The following SNRNP27 variants were observed in gnomAD, a reference collection of about 807,000 sequenced individuals.
SNRNP27 encodes the protein U4/U6.U5 small nuclear ribonucleoprotein 27 kDa protein.
A neutral mutation model predicts 25.1 loss-of-function variants in SNRNP27; 22 were observed. The ratio of observed to expected loss-of-function variants is 0.88; its 90% confidence interval spans 0.63 to 1.25. The LOEUF is 1.25. Among genes scored for constraint, SNRNP27 ranks in the 50% most tolerant of loss-of-function variants. The pLI, the probability that SNRNP27 is intolerant of heterozygous loss-of-function variation, is 0.00. For synonymous variants in SNRNP27, 66 were observed against 64.9 expected, an observed-to-expected ratio of 1.02 and a Z score of -0.08; for missense variants, 150 against 202.3, an observed-to-expected ratio of 0.74 and a Z score of 1.57.
At chr2:69,894,133 G>A in intron 1 of SNRNP27, 115 bp downstream of exon 1, 1 of 975,676 alleles carries the variant, frequency 1.0e-6, no homozygotes, top group Admixed American at 2.4e-5. Flanking sequence ...CTTTTCCCAG[G>A]CGGAGAGCGA....
At chr2:69,894,705 G>A (rs2104111083) in intron 1 of SNRNP27, among the ~76,000 whole-genome samples, 1 of 152,014 alleles carries the variant, frequency 6.6e-6, no homozygotes, top group South Asian at 2.1e-4. Flanking sequence ...ATGAGACAGA[G>A]TCTCGCTCTG....
At chr2:69,897,595 G>T in intron 4 of SNRNP27, 139 bp downstream of exon 4, 1 of 670,906 alleles carries the variant, frequency 1.5e-6, no homozygotes, top group South Asian at 2.1e-5. Context: ...GAATACAAAG[G>T]AGGAAACAGT....
At chr2:69,896,863 G>T (rs936863548) in intron 3 of SNRNP27, among the ~76,000 whole-genome samples, 19 of 151,836 alleles carry the variant, frequency 1.3e-4, no homozygotes, top group African/African-American at 4.6e-4. Context: ...TAGTAGAGAC[G>T]GGTTCTCACC....
chr2:69,894,846 T>C (rs1676570966), intron 1 of SNRNP27, among the ~76,000 whole-genome samples: 1 of 152,088 alleles, frequency 6.6e-6, no homozygotes, highest in Non-Finnish European at 1.5e-5. Context: ...CACGCCTGGC[T>C]AATTTTTGTA....
At chr2:69,894,958 G>T (rs1676572999) in intron 1 of SNRNP27, 136 bp from the exon 2 acceptor site, 2 of 1,262,690 alleles carry the variant, frequency 1.6e-6, no homozygotes. Flanking sequence ...GATTACAGGC[G>T]TGAGCCACCG....
chr2:69,895,875 A>G (rs938167780), intron 2 of SNRNP27, among the ~76,000 whole-genome samples: 2 of 151,956 alleles, frequency 1.3e-5, no homozygotes, highest in African/African-American at 2.4e-5. Flanking sequence ...TTTCTTTTTT[A>G]TTAACTTTTT....
chr2:69,903,576 G>A (rs1163884509), intron 5 of SNRNP27, among the ~76,000 whole-genome samples: 1 of 152,142 alleles, frequency 6.6e-6, no homozygotes, highest in African/African-American at 2.4e-5. Context: ...GATTGATTAT[G>A]TAAGGATTTC....
At chr2:69,903,715 A>G (rs962467742) in intron 5 of SNRNP27, among the ~76,000 whole-genome samples, 3 of 152,202 alleles carry the variant, frequency 2.0e-5, no homozygotes, top group Admixed American at 6.5e-5. Flanking sequence ...ATTTTCAAAC[A>G]TTGCCTTTCT....
At chr2:69,895,666 TCTG>T (rs968530091) in intron 2 of SNRNP27, among the ~76,000 whole-genome samples, 3 of 152,100 alleles carry the variant, frequency 2.0e-5, no homozygotes, top group Non-Finnish European at 4.4e-5. Flanking sequence ...TTCAAGCAAT[TCTG>T]CTGCTGAGCC....
chr2:69,898,936 A>G (rs1182308811), intron 4 of SNRNP27, among the ~76,000 whole-genome samples: 1 of 152,222 alleles, frequency 6.6e-6, no homozygotes, highest in African/African-American at 2.4e-5. Flanking sequence ...GTGAATTAAA[A>G]TATGTCAAAA....
rs781555809 is a variant in SNRNP27 at position 69,893,983 on chromosome 2, A to G, written c.-2A>G. ...AGTTGTTTCCGGGAAGCGGGACTCC[A>G]AATGGGTCGCAGTCGCAGCCGCTCT... On this transcript the variant is annotated 5_prime_UTR_variant, in exon 1 of 6. Coordinates refer to ENST00000244227, the MANE Select transcript of SNRNP27 (RefSeq NM_006857.3). 25 of 1,613,982 alleles carry G rather than the reference A, an allele frequency of 1.5e-5. No individual in the cohort carries two copies. The highest frequency in any genetic ancestry group is 1.3e-4 in the African/African-American group (10 of 74,934).
chr2:69,900,426 A>G (rs563800701), intron 4 of SNRNP27, among the ~76,000 whole-genome samples: 2 of 152,252 alleles, frequency 1.3e-5, no homozygotes, highest in East Asian at 1.9e-4. Context: ...CTTACTTCCT[A>G]TTATAGGGAG....
Position 69,897,392 on chromosome 2 carries a change from G to A in SNRNP27, c.284G>A (p.Gly95Asp). ...TTTTTTGCAGAGGAAGACTTAGAGG[G>A]CAAAACAGAGGAAGAAATAGAAATG... ...ERQITEEDLE[G>D]KTEEEIEMMK... is the part of the protein sequence containing the mutation. The change falls in exon 4 of 6, where the codon GGC (glycine) becomes GAC (aspartate). Residue 95 changes from glycine (G) to aspartate (D), a missense_variant. Transcript: ENST00000244227. The A allele has an allele frequency of 3.1e-6, 5 of 1,612,734 alleles. No individual in the cohort carries two copies. The highest frequency in any genetic ancestry group is 3.4e-6 in the Non-Finnish European group (4 of 1,179,406).
intron 2 of SNRNP27, 68 bp downstream of exon 2, chr2:69,895,282 A>G: frequency 6.4e-7 from 1 of 1,570,098 alleles, no homozygotes; most frequent in Non-Finnish European, 8.6e-7. Flanking sequence ...CGCAGCTCTT[A>G]ACTTTGTTTT....
intron 1 of SNRNP27, 42 bp downstream of exon 1, chr2:69,894,060 AG>A: frequency 6.4e-7 from 1 of 1,560,158 alleles, no homozygotes; most frequent in Non-Finnish European, 8.8e-7. Context: ...GCTCTGTTGG[AG>A]GCCTGTCCCT....
intron 2 of SNRNP27, among the ~76,000 whole-genome samples, chr2:69,895,856 G>A (rs769790048): frequency 4.6e-5 from 7 of 152,274 alleles, no homozygotes; most frequent in Non-Finnish European, 1.0e-4. Flanking sequence ...CACTGCACCC[G>A]GCCTGTTGTT....
At chr2:69,900,162 C>T (rs953168536) in intron 4 of SNRNP27, among the ~76,000 whole-genome samples, 3 of 152,106 alleles carry the variant, frequency 2.0e-5, no homozygotes, top group Non-Finnish European at 4.4e-5. Flanking sequence ...AAAGTAATTA[C>T]AGTTTTTGCC....
Position 69,893,960 on chromosome 2 carries a change from T to A in SNRNP27, c.-25T>A. 1 of 1,613,264 alleles carries A rather than the reference T, an allele frequency of 6.2e-7. No homozygotes were observed. The highest frequency in any genetic ancestry group is 8.5e-7 in the Non-Finnish European group (1 of 1,179,416). On this transcript the variant is annotated 5_prime_UTR_variant, in exon 1 of 6. It adds an upstream start codon to the 5' untranslated region. Coordinates refer to ENST00000244227, the MANE Select transcript of SNRNP27 (RefSeq NM_006857.3). ...GGCCCTCCCGGAAGTTGTTGCACAG[T>A]TGTTTCCGGGAAGCGGGACTCCAAA... is the stretch of plus-strand genomic sequence containing the variant.
At chr2:69,904,093 A>C (rs1249870427) in intron 5 of SNRNP27, among the ~76,000 whole-genome samples, 161 bp from the exon 6 acceptor site, 1 of 152,116 alleles carries the variant, frequency 6.6e-6, no homozygotes, top group East Asian at 1.9e-4. Flanking sequence ...TTGAAAGTAA[A>C]ATAATCTCTA....
Sources: gnomAD v4.1 joint callset for allele counts (sites outside exome capture counted in the v4.1 genomes callset) on GRCh38, gnomAD v4.1.1 for gene constraint, MANE v1.5 for transcripts, NCBI Gene and HGNC (gene_info 2026-07-23, HGNC 2026-07-21) for gene names.